TFAP2B: variants seen among roughly 807,000 people sequenced by gnomAD.
TFAP2B encodes transcription factor AP-2 beta, also known as transcription factor AP-2-beta.
In TFAP2B, 9 loss-of-function variants were observed where a neutral mutation model predicts 44.3. The ratio of observed to expected loss-of-function variants is 0.20; its 90% CI spans 0.12 to 0.35. The LOEUF is 0.35. TFAP2B is among the 10% of genes least tolerant of loss of function. The pLI is 1.00. For synonymous variants in TFAP2B, 270 were observed against 263.8 expected, an observed-to-expected ratio of 1.02 and a Z score of -0.23; for missense variants, 509 against 600.0, an observed-to-expected ratio of 0.85 and a Z score of 1.59.
chr6:50,837,219 A>G (rs573717190), intron 4 of TFAP2B, among the ~76,000 whole-genome samples: 1 of 152,320 alleles, frequency 6.6e-6, no homozygotes, highest in South Asian at 2.1e-4. Context: ...ACATACAAGG[A>G]GAATCTTGGG....
intron 3 of TFAP2B, among the ~76,000 whole-genome samples, chr6:50,832,159 G>A (rs1762514728): frequency 6.6e-6 from 1 of 152,220 alleles, no homozygotes. Flanking sequence ...CCCATTTCCA[G>A]GTTGGACTTG....
Position 50,836,043 on chromosome 6 carries a change from T to C in TFAP2B, c.602-18T>C, listed in dbSNP as rs752150097. 4 of 1,610,080 alleles carry C rather than the reference T, an allele frequency of 2.5e-6. No individual in the cohort carries two copies. Among genetic ancestry groups the C allele is most frequent in the East Asian group, 2.2e-5 (1 of 44,860 alleles). The stretch of plus-strand genomic sequence containing the variant: ...CGAAACTTGGTCACCTTTATGGCAA[T>C]TTTTTCTCTCTTTCTAGTTCCAGTT... On this transcript the variant is annotated intron_variant, in intron 3 of 6. Transcript: ENST00000393655.
chr6:50,837,236 T>C (rs1247016828), intron 4 of TFAP2B, among the ~76,000 whole-genome samples: 1 of 152,202 alleles, frequency 6.6e-6, no homozygotes, highest in Non-Finnish European at 1.5e-5. Flanking sequence ...TGGGAGAAAT[T>C]AAGGGTGTGA....
intron 2 of TFAP2B, among the ~76,000 whole-genome samples, chr6:50,827,881 A>G (rs1561960515): frequency 2.6e-5 from 4 of 152,330 alleles, no homozygotes; most frequent in East Asian, 3.9e-4. Flanking sequence ...CAGAAGATGA[A>G]CATTCCTTGC....
rs189652815 is a variant in TFAP2B, at chr6:50,822,525, A to G, written c.82-882A>G. ...GAAACAAAGTCCACCTCCCTCATAT[A>G]CACACCTCCCCCTTCTTCTTTCACT... On this transcript the variant is annotated intron_variant, in intron 1 of 6. Coordinates refer to ENST00000393655, the MANE Select transcript of TFAP2B (RefSeq NM_003221.4). Among the ~76,000 whole-genome samples, 32 of 152,282 alleles carry G rather than the reference A, an allele frequency of 2.1e-4. No individual in the cohort carries two copies. The East Asian group carries it at 4.1e-3, about 19-fold the overall frequency.
chr6:50,835,973 T>A, intron 3 of TFAP2B, 88 bp from the exon 4 acceptor site: 1 of 1,062,272 alleles, frequency 9.4e-7, no homozygotes, highest in South Asian at 1.2e-5. Context: ...GTGTCTGTCC[T>A]GTGGCCTCAC....
At position 50,843,368 on chromosome 6, in the gene TFAP2B, C is replaced by T. The variant is rs1762772941; in HGVS notation, c.1359C>T (p.Asp453=). The change falls in exon 7 of 7, where the codon GAC becomes GAT. Residue 453 remains aspartate, a synonymous_variant. Coordinates refer to ENST00000393655, the MANE Select transcript of TFAP2B (RefSeq NM_003221.4). The part of the protein sequence containing the change: ...SGEGPGSKTG[D]KEEKHRK ...AAGGCCCAGGTAGTAAAACTGGCGA[C>T]AAGGAGGAGAAACACAGGAAATGAA... 1 of 1,610,542 alleles carries T rather than the reference C, an allele frequency of 6.2e-7. No homozygotes were observed. The highest frequency in any genetic ancestry group is 1.1e-5 in the South Asian group (1 of 90,722).
At position 50,831,146 on chromosome 6, in the gene TFAP2B, T is replaced by C. The variant is rs1291422950; in HGVS notation, c.601+2467T>C. Among the ~76,000 whole-genome samples the C allele has an allele frequency of 2.6e-5, 4 of 152,196 alleles. 1 individual carries two copies. The highest frequency in any genetic ancestry group is 9.6e-5 in the African/African-American group (4 of 41,460). On this transcript the variant is annotated intron_variant, in intron 3 of 6. Transcript: ENST00000393655. ...CAATCTAATTTTTCACCTGTGTTTA[T>C]GTCACCCCATAGATTATGGGCTCCC...
rs1380154961 is a variant in TFAP2B at position 50,844,496 on chromosome 6, TG to T, written c.*1105del. The T allele has an allele frequency of 6.6e-6, 1 of 152,588 alleles. No homozygotes were observed. Among genetic ancestry groups the T allele is most frequent in the Non-Finnish European group, 1.5e-5 (1 of 68,028 alleles). The allele number at this position is 152,588 out of a possible 1,614,324, so 9.5% of individuals were successfully genotyped here. Reference sequence around the variant, plus strand: ...ATCCGATCCCTTTTTAATCAAAGCCTGTGTGTCAGAATTCTGCAGGTGCACT... The same window carrying T: ...ATCCGATCCCTTTTTAATCAAAGCCTTGTGTCAGAATTCTGCAGGTGCACT... On this transcript the variant is annotated 3_prime_UTR_variant, in exon 7 of 7. Transcript: ENST00000393655.
At chr6:50,820,107 A>G (rs1487604586) in intron 1 of TFAP2B, among the ~76,000 whole-genome samples, 2 of 152,006 alleles carry the variant, frequency 1.3e-5, no homozygotes, top group African/African-American at 4.8e-5. Context: ...GGCCATGGAG[A>G]TTGCTAAGAG....
chr6:50,821,987 T>C, intron 1 of TFAP2B: 1 of 250,478 alleles, frequency 4.0e-6, no homozygotes, highest in South Asian at 2.6e-5. Flanking sequence ...GGGGGGCGGG[T>C]GTAATTTTTT....
Position 50,836,138 on chromosome 6 carries a change from G to A in TFAP2B, c.679G>A (p.Gly227Ser), listed in dbSNP as rs756874298. Residue 227 changes from glycine to serine, a missense_variant, in exon 4 of 7, where the codon GGC becomes AGC. This residue lies in a region of TFAP2B where 296 missense variants were observed against 308.2 expected (regional missense o/e 0.96). Coordinates refer to ENST00000393655, the MANE Select transcript of TFAP2B (RefSeq NM_003221.4). Reference protein sequence around the residue: ...GFLGGMSVNTGEVFCSVPGRL... With the variant: ...GFLGGMSVNTSEVFCSVPGRL... ...CCTGGGAGGCATGTCTGTCAACACCGGCGAGGTGTTTTGCTCCGTCCCAGG... is the reference window on the plus strand; with the variant it reads ...CCTGGGAGGCATGTCTGTCAACACCAGCGAGGTGTTTTGCTCCGTCCCAGG... The A allele has an allele frequency of 1.8e-5, 29 of 1,613,968 alleles. No homozygotes were observed. The highest frequency in any genetic ancestry group is 2.2e-5 in the East Asian group (1 of 44,874).
At position 50,823,820 on chromosome 6, in the gene TFAP2B, C is replaced by T; in HGVS notation, c.495C>T (p.Ser165=). Residue 165 remains serine (S), a synonymous_variant, in exon 2 of 7, where the codon AGC becomes AGT. Transcript: ENST00000393655. ...HHGLDAGMGD[S]LSLHGLGHPG... ...GCCTGGACGCGGGCATGGGTGACAGCCTCTCGCTGCACGGCCTCGGCCATC... is the reference window on the plus strand; with the variant it reads ...GCCTGGACGCGGGCATGGGTGACAGTCTCTCGCTGCACGGCCTCGGCCATC... The T allele has an allele frequency of 1.3e-6, 2 of 1,570,954 alleles. No homozygotes were observed. The highest frequency in any genetic ancestry group is 1.7e-6 in the Non-Finnish European group (2 of 1,158,456).
At chr6:50,818,860 C>T, upstream of TFAP2B, 1 of 1,602,536 alleles carries the variant, frequency 6.2e-7, no homozygotes, top group Non-Finnish European at 8.5e-7. Context: ...ACAGCGGAGT[C>T]CTGAGAAGCC....
At chr6:50,839,812 AAG>A (rs1169229614) in intron 5 of TFAP2B, among the ~76,000 whole-genome samples, 3 of 152,340 alleles carry the variant, frequency 2.0e-5, no homozygotes, top group Non-Finnish European at 2.9e-5. Context: ...TTTAAAAAGA[AAG>A]AGGAATCTGG....
intron 2 of TFAP2B, among the ~76,000 whole-genome samples, chr6:50,824,898 G>T (rs966235118): frequency 1.3e-5 from 2 of 152,198 alleles, no homozygotes; most frequent in African/African-American, 4.8e-5. Flanking sequence ...GATAAATATA[G>T]TTTACAGGTA....
intron 1 of TFAP2B, among the ~76,000 whole-genome samples, chr6:50,820,892 A>AG (rs1261479810): frequency 1.5e-5 from 2 of 136,464 alleles, no homozygotes; most frequent in Admixed American, 1.5e-4. Context: ...AGGAAGAGGG[A>AG]GGGGTGGAGT....
At chr6:50,820,532 A>G (rs1770313249) in intron 1 of TFAP2B, among the ~76,000 whole-genome samples, 1 of 152,272 alleles carries the variant, frequency 6.6e-6, no homozygotes, top group South Asian at 2.1e-4. Context: ...CTTGTTGCTG[A>G]ATGATGCTTG....
rs1762869557 is a variant in TFAP2B, at chr6:50,847,321, T to C, written c.*3929T>C. ...GCCACACAATCAAGAAATATCAATC[T>C]ATTGACTCTTCACGAGAAGAGCTCT... On this transcript the variant is annotated 3_prime_UTR_variant, in exon 7 of 7. Transcript: ENST00000393655. 1 of 152,666 alleles carries C rather than the reference T, an allele frequency of 6.6e-6. No individual in the cohort carries two copies. Among genetic ancestry groups the C allele is most frequent in the Non-Finnish European group, 1.5e-5 (1 of 68,048 alleles). The allele number at this position is 152,666 out of a possible 1,614,324, so 9.5% of individuals were successfully genotyped here. A position where few individuals can be genotyped will look rare whatever the true frequency, so the allele number is the denominator to read the frequency against.
Sources: allele counts gnomAD v4.1 joint callset (sites outside exome capture counted in the v4.1 genomes callset), GRCh38; gene constraint gnomAD v4.1.1; regional missense constraint gnomAD v4.1.1; transcripts MANE v1.5; gene names NCBI Gene and HGNC (gene_info 2026-07-23, HGNC 2026-07-21).